The following FBH1 variants were observed in gnomAD, a reference collection of about 807,000 sequenced individuals.
FBH1 encodes the protein DNA 3'-5' helicase 1.
A neutral mutation model predicts 115.5 loss-of-function variants in FBH1; 43 were observed. The ratio of observed to expected loss-of-function variants is 0.37; its 90% CI spans 0.29 to 0.48. The LOEUF is 0.48. Ranked by LOEUF, FBH1 falls within the 20% of genes least tolerant of loss-of-function variation. The pLI is 0.99. For synonymous variants in FBH1, 524 were observed against 507.8 expected (o/e 1.03, Z -0.43); for missense variants, 1,001 against 1,337.3 (o/e 0.75, Z 3.92).
At chr10:5,898,136 G>A (rs1176659196) in intron 1 of FBH1, among the ~76,000 whole-genome samples, 1 of 152,180 alleles carries the variant, frequency 6.6e-6, no homozygotes, top group East Asian at 1.9e-4. Flanking sequence ...TGCTGCCTCA[G>A]TCCATTTGGG....
chr10:5,916,499 G>T, intron 10 of FBH1, 43 bp downstream of exon 10: 1 of 1,593,940 alleles, frequency 6.3e-7, no homozygotes, highest in East Asian at 2.2e-5. Context: ...CTGAGGATGG[G>T]GGAACAGGGG....
chr10:5,924,526 T>G lies in FBH1; in HGVS notation c.2596+18T>G. On this transcript the variant is annotated intron_variant, in intron 17 of 20. Transcript: ENST00000362091. This position sits in a 1 kb window ranked among gnomAD's most constrained non-coding sequence, Gnocchi z 6.2. Reference sequence around the variant, plus strand: ...CTTTGCAGGTAAGGGAAGCAGTTGGTTTTTACCTTCCCCCTAAGAGGAGGA... The same window carrying G: ...CTTTGCAGGTAAGGGAAGCAGTTGGGTTTTACCTTCCCCCTAAGAGGAGGA... 6.2e-7 allele frequency: 1 copy of G among 1,612,248 alleles called. No homozygotes were observed. The highest frequency in any genetic ancestry group is 8.5e-7 in the Non-Finnish European group (1 of 1,178,800).
In FBH1 at chr10:5,906,459, G is replaced by C; in HGVS notation, c.580G>C (p.Asp194His). 1 of 1,614,206 alleles carries C rather than the reference G, an allele frequency of 6.2e-7. No individual in the cohort carries two copies. The highest frequency in any genetic ancestry group is 8.5e-7 in the Non-Finnish European group (1 of 1,180,046). Residue 194 changes from aspartate (D) to histidine (H), a missense_variant, in exon 3 of 21, where the codon GAC becomes CAC. Transcript: ENST00000362091. This position sits in a 1 kb window ranked among gnomAD's most constrained non-coding sequence, Gnocchi z 7.3. ...GGACGTGGGTCCTGATCCCATTCCT[G>C]ACTCATACTATGGGCTTCTTGGGAC... ...AGDVGPDPIP[D>H]SYYGLLGTLP... is the part of the protein sequence containing the mutation.
rs1843282619 is a variant in FBH1, at chr10:5,900,506, T to A, written c.2-2514T>A. Among the ~76,000 whole-genome samples, 1 of 152,264 alleles carries A rather than the reference T, an allele frequency of 6.6e-6. No individual in the cohort carries two copies. Among genetic ancestry groups the A allele is most frequent in the South Asian group, 2.1e-4 (1 of 4,832 alleles). ...TCGTGAGAGTGAGCGCATCTGTGAT[T>A]GCTGAGGCCTGGCGCTCATGGGGTT... On this transcript the variant is annotated intron_variant, in intron 1 of 20. Transcript: ENST00000362091. The surrounding 1 kb of genome is among the most constrained non-coding windows in gnomAD (Gnocchi z 4.2).
upstream of FBH1, chr10:5,890,124 C>T (rs1842607447): frequency 6.2e-6 from 2 of 324,184 alleles, no homozygotes; most frequent in South Asian, 1.5e-4. Context: ...CACGCCCCCT[C>T]CGGTCTCGCG....
Position 5,909,241 on chromosome 10 carries a change from G to C in FBH1, c.967G>C (p.Glu323Gln). ...TCTGAGGGACCACCCCCTCCTCCCC[G>C]AGGCTGAGGCGTGTGTGCGGCAACA... is the stretch of plus-strand genomic sequence containing the variant. Reference protein sequence around the residue: ...WSLRDHPLLPEAEACVRQHLP... With the variant: ...WSLRDHPLLPQAEACVRQHLP... The change falls in exon 5 of 21, where the codon GAG (glutamate) becomes CAG (glutamine). Residue 323 changes from glutamate to glutamine, a missense_variant. Physicochemically the swap from Glu to Gln is conservative, Grantham distance 29 (BLOSUM62 2). This residue lies in a region of FBH1 where 420 missense variants were observed against 430.4 expected (regional missense o/e 0.98). Coordinates refer to ENST00000362091, the MANE Select transcript of FBH1 (RefSeq NM_178150.3). The surrounding 1 kb of genome is among the most constrained non-coding windows in gnomAD (Gnocchi z 4.4). The C allele has an allele frequency of 6.2e-7, 1 of 1,613,046 alleles. No individual in the cohort carries two copies. The highest frequency in any genetic ancestry group is 8.5e-7 in the Non-Finnish European group (1 of 1,180,008).
Position 5,933,311 on chromosome 10 carries a change from C to T in FBH1, c.2830-3145C>T, listed in dbSNP as rs1833074781. 6.6e-6 allele frequency among the ~76,000 whole-genome samples: 1 copy of T among 152,142 alleles called. No homozygotes were observed. The highest frequency in any genetic ancestry group is 1.5e-5 in the Non-Finnish European group (1 of 68,030). On this transcript the variant is annotated intron_variant, in intron 19 of 20. Coordinates refer to ENST00000362091, the MANE Select transcript of FBH1 (RefSeq NM_178150.3). This position sits in a 1 kb window ranked among gnomAD's most constrained non-coding sequence, Gnocchi z 4.9. ...GCTGAGGCAGGAGAATCACTTGAATCCGGGAGGCAGAGGTTGCAGTAGGCT... is the reference window on the plus strand; with the variant it reads ...GCTGAGGCAGGAGAATCACTTGAATTCGGGAGGCAGAGGTTGCAGTAGGCT...
intron 2 of FBH1, among the ~76,000 whole-genome samples, chr10:5,904,090 T>C (rs1348944871): frequency 6.6e-6 from 1 of 152,098 alleles, no homozygotes. Flanking sequence ...GGTCTTGCTC[T>C]GTCATCCAGG....
chr10:5,937,374 TG>T lies in FBH1; in HGVS notation c.*97del. 1 of 1,338,910 alleles carries T rather than the reference TG, an allele frequency of 7.5e-7. No individual in the cohort carries two copies. The allele number at this position is 1,338,910 out of a possible 1,614,324, so 82.9% of individuals were successfully genotyped here. A position where few individuals can be genotyped will look rare whatever the true frequency, so the allele number is the denominator to read the frequency against. On this transcript the variant is annotated 3_prime_UTR_variant, in exon 21 of 21. Coordinates refer to ENST00000362091, the MANE Select transcript of FBH1 (RefSeq NM_178150.3). ...GGGGGGCTTCTGCTCCCTGAGACTC[TG>T]GGTTCACCCACAGCACTTTCTGAGG...
At position 5,895,140 on chromosome 10, in the gene FBH1, G is replaced by A. The variant is rs745740691; in HGVS notation, c.1+4794G>A. ...CCCCTGGGCCATCTCCACAGGAGATGCCAGAGGACGAGTGCCCACTTGCTG... is the reference window on the plus strand; with the variant it reads ...CCCCTGGGCCATCTCCACAGGAGATACCAGAGGACGAGTGCCCACTTGCTG... On this transcript the variant is annotated intron_variant, in intron 1 of 20. Transcript: ENST00000362091. This position sits in a 1 kb window ranked among gnomAD's most constrained non-coding sequence, Gnocchi z 5.0. 1.8e-5 allele frequency: 29 copies of A among 1,613,868 alleles called. No individual in the cohort carries two copies. The East Asian group carries it at 3.1e-4, about 17-fold the overall frequency.
intron 1 of FBH1, among the ~76,000 whole-genome samples, chr10:5,891,309 C>T (rs1051548452): frequency 6.6e-6 from 1 of 152,232 alleles, no homozygotes; most frequent in African/African-American, 2.4e-5. Flanking sequence ...GGAGACAGAA[C>T]TAGTCCAAGT....
In FBH1 at chr10:5,910,015, C is replaced by CT. The variant is rs1387160425; in HGVS notation, c.1020+722dup. On this transcript the variant is annotated intron_variant, in intron 5 of 20. Coordinates refer to ENST00000362091, the MANE Select transcript of FBH1 (RefSeq NM_178150.3). This position sits in a 1 kb window ranked among gnomAD's most constrained non-coding sequence, Gnocchi z 4.8. ...GAATGGTAAAGGCTGGGCGTGGTGG[C>CT]TCACGCCTGTTATCCCAGCACTTTG... Among the ~76,000 whole-genome samples the CT allele has an allele frequency of 2.0e-5, 3 of 152,202 alleles. No individual in the cohort carries two copies. Among genetic ancestry groups the CT allele is most frequent in the African/African-American group, 7.2e-5 (3 of 41,444 alleles).
chr10:5,934,119 G>A (rs535297601), intron 19 of FBH1, among the ~76,000 whole-genome samples: 75 of 152,300 alleles, frequency 4.9e-4, no homozygotes, highest in African/African-American at 1.7e-3. Context: ...GTGGAGCCAC[G>A]GACGGGGGTG....
In FBH1 at chr10:5,936,174, C is replaced by G; in HGVS notation, c.2830-282C>G. 4.5e-6 allele frequency: 1 copy of G among 224,334 alleles called. No individual in the cohort carries two copies. The highest frequency in any genetic ancestry group is 9.2e-6 in the Non-Finnish European group (1 of 108,730). 13.9% of individuals were successfully genotyped at this position (224,334 alleles called of 1,614,324 possible). A position where few individuals can be genotyped will look rare whatever the true frequency, so the allele number is the denominator to read the frequency against. On this transcript the variant is annotated intron_variant, in intron 19 of 20. Coordinates refer to ENST00000362091, the MANE Select transcript of FBH1 (RefSeq NM_178150.3). This position sits in a 1 kb window ranked among gnomAD's most constrained non-coding sequence, Gnocchi z 5.6. The stretch of plus-strand genomic sequence containing the variant: ...GGGATACCTTAGCATAAAATAAAAT[C>G]CAGAAATATTCTGGAAATGTCATTA...
chr10:5,903,620 C>T (rs528690646), intron 2 of FBH1, among the ~76,000 whole-genome samples: 9 of 152,168 alleles, frequency 5.9e-5, no homozygotes, highest in South Asian at 2.1e-4. Context: ...TGAGCCACCG[C>T]GCCCCGCCGA....
At position 5,895,152 on chromosome 10, in the gene FBH1, G is replaced by A. The variant is rs771992819; in HGVS notation, c.1+4806G>A. 3.1e-6 allele frequency: 5 copies of A among 1,613,918 alleles called. No individual in the cohort carries two copies. The highest frequency in any genetic ancestry group is 1.3e-5 in the African/African-American group (1 of 75,030). ...CTCCACAGGAGATGCCAGAGGACGA[G>A]TGCCCACTTGCTGGTCTTCACAGAG... On this transcript the variant is annotated intron_variant, in intron 1 of 20. Coordinates refer to ENST00000362091, the MANE Select transcript of FBH1 (RefSeq NM_178150.3). This position sits in a 1 kb window ranked among gnomAD's most constrained non-coding sequence, Gnocchi z 5.0.
At chr10:5,922,058 A>T (rs1403009586) in intron 15 of FBH1, among the ~76,000 whole-genome samples, 1 of 152,226 alleles carries the variant, frequency 6.6e-6, no homozygotes, top group Non-Finnish European at 1.5e-5. Context: ...AGTTAGAAGG[A>T]TTCAGTGGCA....
intron 18 of FBH1, among the ~76,000 whole-genome samples, chr10:5,927,207 C>T (rs941694129): frequency 6.6e-6 from 1 of 152,150 alleles, no homozygotes; most frequent in African/African-American, 2.4e-5. Context: ...CCAGGATTTA[C>T]GTAGCAGGAC....
intron 1 of FBH1, among the ~76,000 whole-genome samples, chr10:5,902,055 C>T (rs982809000): frequency 2.0e-5 from 3 of 152,064 alleles, no homozygotes; most frequent in South Asian, 2.1e-4. Flanking sequence ...AAATTCTAGG[C>T]GCAATTGTTG....
Sources: allele counts gnomAD v4.1 joint callset (sites outside exome capture counted in the v4.1 genomes callset), GRCh38; gene constraint gnomAD v4.1.1; regional missense constraint gnomAD v4.1.1; non-coding constraint Gnocchi (gnomAD v3.1); transcripts MANE v1.5; gene names NCBI Gene and HGNC (gene_info 2026-07-23, HGNC 2026-07-21).